SLC22A23: variants seen among roughly 807,000 people sequenced by gnomAD.
SLC22A23 encodes the protein solute carrier family 22 member 23, also known as ion transporter protein.
In SLC22A23, 26 loss-of-function variants were observed where a neutral mutation model predicts 61.0. The observed-to-expected ratio is 0.43, with a 90% CI of 0.31 to 0.59. SLC22A23 has a LOEUF of 0.59. SLC22A23 is among the 20% of genes least tolerant of loss of function. The pLI is 0.11. For missense variants in SLC22A23, 796 were observed against 934.7 expected (o/e 0.85, Z 1.94); for synonymous variants, 430 against 413.9 (o/e 1.04, Z -0.47).
chr6:3,344,638 G>A (rs894388418), intron 3 of SLC22A23, among the ~76,000 whole-genome samples: 1 of 152,242 alleles, frequency 6.6e-6, no homozygotes, highest in Non-Finnish European at 1.5e-5. Context: ...TACACATAGA[G>A]TGATGTATAA....
chr6:3,298,824 T>G (rs1041643545), intron 4 of SLC22A23, among the ~76,000 whole-genome samples: 8 of 151,100 alleles, frequency 5.3e-5, no homozygotes, highest in African/African-American at 1.7e-4. Context: ...TACAAAAAAT[T>G]AGCCGGGCGC....
chr6:3,315,076 G>A (rs1198444342), intron 4 of SLC22A23, among the ~76,000 whole-genome samples: 1 of 151,936 alleles, frequency 6.6e-6, no homozygotes, highest in South Asian at 2.1e-4. Flanking sequence ...ATCTCTAGGC[G>A]TTTCATGCAA....
intron 3 of SLC22A23, among the ~76,000 whole-genome samples, chr6:3,380,017 A>C (rs1766856653): frequency 6.6e-6 from 1 of 152,098 alleles, no homozygotes; most frequent in Admixed American, 6.5e-5. Flanking sequence ...GGGAGAGATA[A>C]AGAGAGGAAA....
At chr6:3,314,920 G>T (rs113028181) in intron 4 of SLC22A23, among the ~76,000 whole-genome samples, 11 of 152,122 alleles carry the variant, frequency 7.2e-5, no homozygotes, top group African/African-American at 2.7e-4. Flanking sequence ...GCAGTGCAGC[G>T]TGATCCTTCT....
intron 3 of SLC22A23, among the ~76,000 whole-genome samples, chr6:3,373,028 C>A (rs1368137649): frequency 6.6e-6 from 1 of 152,206 alleles, no homozygotes; most frequent in Non-Finnish European, 1.5e-5. Context: ...TGGCTGGCAT[C>A]TGGGAAGTTG....
At chr6:3,362,593 C>T (rs1276834345) in intron 3 of SLC22A23, among the ~76,000 whole-genome samples, 4 of 151,886 alleles carry the variant, frequency 2.6e-5, no homozygotes, top group Non-Finnish European at 5.9e-5. Flanking sequence ...CACAGCAAAG[C>T]CCCCCATCCC....
chr6:3,391,689 G>T (rs778374222), intron 3 of SLC22A23, among the ~76,000 whole-genome samples: 1 of 152,266 alleles, frequency 6.6e-6, no homozygotes, highest in East Asian at 1.9e-4. Flanking sequence ...GTGGTATGCG[G>T]AGATACAAAT....
intron 3 of SLC22A23, among the ~76,000 whole-genome samples, chr6:3,335,824 T>A (rs1282669992): frequency 6.6e-6 from 1 of 152,188 alleles, no homozygotes; most frequent in Non-Finnish European, 1.5e-5. Flanking sequence ...GTGTGGTGGC[T>A]CACGCCTGTA....
chr6:3,277,990 A>G (rs1759069310), intron 9 of SLC22A23, among the ~76,000 whole-genome samples: 2 of 152,184 alleles, frequency 1.3e-5, no homozygotes, highest in African/African-American at 4.8e-5. Flanking sequence ...TGCCAGCCCC[A>G]CAGCCCGTGA....
rs61135253 is a variant in SLC22A23, at chr6:3,349,366, C to T, written c.914-25364G>A. ...GGCAGCCTCTCTCTCCCTATCCCAC[C>T]TACCCGAGGACTCTTCGGCCAAATT... On this transcript the variant is annotated intron_variant, in intron 3 of 9. Coordinates refer to ENST00000406686, the MANE Select transcript of SLC22A23 (RefSeq NM_015482.2). 7.3e-3 allele frequency among the ~76,000 whole-genome samples: 1,110 copies of T among 152,276 alleles called. 22 individuals carry two copies. Among genetic ancestry groups the T allele is most frequent in the African/African-American group, 0.021 (883 of 41,556 alleles).
At chr6:3,336,885 C>T (rs748445138) in intron 3 of SLC22A23, among the ~76,000 whole-genome samples, 12 of 151,328 alleles carry the variant, frequency 7.9e-5, no homozygotes, top group Non-Finnish European at 1.8e-4. Flanking sequence ...CAGCCTTGAC[C>T]TCCTGGGCTC....
At chr6:3,310,778 C>T (rs1445679901) in intron 4 of SLC22A23, among the ~76,000 whole-genome samples, 1 of 152,218 alleles carries the variant, frequency 6.6e-6, no homozygotes, top group African/African-American at 2.4e-5. Context: ...TGCCAATTCA[C>T]TTAACACCTG....
intron 2 of SLC22A23, among the ~76,000 whole-genome samples, chr6:3,412,306 G>T (rs114760780): frequency 2.8e-4 from 42 of 152,188 alleles, no homozygotes; most frequent in African/African-American, 9.4e-4. Context: ...TGAAGTCAGA[G>T]TGTGTTGGTT....
At chr6:3,440,225 C>T (rs929387796) in intron 1 of SLC22A23, among the ~76,000 whole-genome samples, 2 of 152,286 alleles carry the variant, frequency 1.3e-5, no homozygotes, top group South Asian at 2.1e-4. Flanking sequence ...CTGCCCTGCT[C>T]AGGGTCCATG....
intron 4 of SLC22A23, among the ~76,000 whole-genome samples, chr6:3,320,684 C>T (rs1314133562): frequency 6.6e-6 from 1 of 152,148 alleles, no homozygotes; most frequent in African/African-American, 2.4e-5. Context: ...AAAGGGTAGG[C>T]AATTATTGGC....
At chr6:3,420,934 G>A (rs1052618889) in intron 1 of SLC22A23, among the ~76,000 whole-genome samples, 1 of 151,970 alleles carries the variant, frequency 6.6e-6, no homozygotes, top group Admixed American at 6.6e-5. Context: ...GTGAAATCCT[G>A]TACTAAAAAT....
rs751910342 is a variant in SLC22A23 at position 3,323,898 on chromosome 6, G to A, written c.1018C>T (p.Arg340Trp). 3.2e-5 allele frequency: 52 copies of A among 1,614,062 alleles called. No homozygotes were observed. The highest frequency in any genetic ancestry group is 8.3e-5 in the Admixed American group (5 of 60,008). ...AGGGCCTGCAGCACCTGCCAATCCC[G>A]GCACAGGGCGGCTAGCCCAGGCATG... is the stretch of plus-strand genomic sequence containing the variant. ...FLMPGLAALC[R>W]DWQVLQALII... Residue 340 changes from arginine (R) to tryptophan (W), a missense_variant, in exon 4 of 10, where the codon CGG becomes TGG. Physicochemically the swap from Arg to Trp is moderately radical, Grantham distance 101. Transcript: ENST00000406686.
chr6:3,288,907 AC>A (rs1348552967), intron 6 of SLC22A23, among the ~76,000 whole-genome samples: 9 of 152,164 alleles, frequency 5.9e-5, no homozygotes, highest in African/African-American at 9.7e-5. Context: ...ATCAATTTCA[AC>A]CCAGAACCCC....
intron 3 of SLC22A23, among the ~76,000 whole-genome samples, chr6:3,336,955 C>T (rs1763893881): frequency 6.6e-6 from 1 of 152,106 alleles, no homozygotes; most frequent in South Asian, 2.1e-4. Context: ...ACTACAGGCA[C>T]ATGCCACCAT....
Sources: gnomAD v4.1 joint callset for allele counts (sites outside exome capture counted in the v4.1 genomes callset) on GRCh38, gnomAD v4.1.1 for gene constraint, MANE v1.5 for transcripts, NCBI Gene and HGNC (gene_info 2026-07-23, HGNC 2026-07-21) for gene names.